BAZ2B: variants seen among roughly 807,000 people sequenced by gnomAD.
The protein encoded by BAZ2B is bromodomain adjacent to zinc finger domain protein 2B.
BAZ2B carries 91 observed loss-of-function variants against 246.0 expected under a neutral mutation model. That is an observed-to-expected ratio of 0.37 (90% CI 0.31 to 0.44). The LOEUF (loss-of-function observed/expected upper bound fraction) is 0.44, where lower values mean the gene tolerates loss of function less well. Among genes scored for constraint, BAZ2B ranks in the 20% least tolerant of loss-of-function variants. The pLI, the probability that BAZ2B is intolerant of heterozygous loss-of-function variation, is 1.00. For missense variants in BAZ2B, 2,332 were observed against 2,533.7 expected (o/e 0.92, Z 1.71); for synonymous variants, 855 against 860.0 (o/e 0.99, Z 0.10).
In BAZ2B at chr2:159,332,718, C is replaced by T. The variant is rs375203329; in HGVS notation, c.5797-32G>A. The T allele has an allele frequency of 9.6e-5, 155 of 1,608,776 alleles. No homozygotes were observed. The African/African-American group carries it at 1.4e-3, about 15-fold the overall frequency. Reference sequence around the variant, plus strand: ...TACATGAAAAATCATTTAAAATTAACGCTCTGCCATGAATAATAGTTATTG... The same window carrying T: ...TACATGAAAAATCATTTAAAATTAATGCTCTGCCATGAATAATAGTTATTG... On this transcript the variant is annotated intron_variant, in intron 33 of 36. Coordinates refer to ENST00000392783, the MANE Select transcript of BAZ2B (RefSeq NM_013450.4).
chr2:159,386,782 C>CTAAG, intron 21 of BAZ2B, among the ~76,000 whole-genome samples, 175 bp from the exon 22 acceptor site: 1 of 152,172 alleles, frequency 6.6e-6, no homozygotes, highest in Non-Finnish European at 1.5e-5. Flanking sequence ...CCCCATGGAA[C>CTAAG]TAAGCATAGT....
rs887678987 is a variant in BAZ2B at position 159,374,835 on chromosome 2, A to G, written c.4006-82T>C. 2.4e-6 allele frequency: 3 copies of G among 1,236,650 alleles called. No homozygotes were observed. In the African/African-American group the frequency reaches 4.5e-5, roughly 19 times the overall value. The allele number at this position is 1,236,650 out of a possible 1,614,324, so 76.6% of individuals were successfully genotyped here. A position where few individuals can be genotyped will look rare whatever the true frequency, so the allele number is the denominator to read the frequency against. ...AGTAAATATTTAATGAAAGTCTCCT[A>G]TAGGCACTGCGGAAAGGTATTAAGA... On this transcript the variant is annotated intron_variant, in intron 25 of 36. Coordinates refer to ENST00000392783, the MANE Select transcript of BAZ2B (RefSeq NM_013450.4).
intron 6 of BAZ2B, among the ~76,000 whole-genome samples, chr2:159,446,413 T>G (rs1024485536): frequency 2.0e-5 from 3 of 152,226 alleles, no homozygotes; most frequent in African/African-American, 7.2e-5. Flanking sequence ...TTCACTCTTT[T>G]CTAATGCACA....
At chr2:159,584,928 G>C (rs1687702894) in intron 1 of BAZ2B, among the ~76,000 whole-genome samples, 1 of 152,156 alleles carries the variant, frequency 6.6e-6, no homozygotes, top group Non-Finnish European at 1.5e-5. Context: ...TTCACTATGT[G>C]ATGTGCCTTC....
intron 25 of BAZ2B, among the ~76,000 whole-genome samples, chr2:159,375,518 T>C (rs2061327875): frequency 6.6e-6 from 1 of 152,184 alleles, no homozygotes; most frequent in South Asian, 2.1e-4. Context: ...TGTAAATGCT[T>C]GGCAATTAAC....
chr2:159,536,959 T>G (rs1445961429), intron 2 of BAZ2B, among the ~76,000 whole-genome samples: 2 of 152,156 alleles, frequency 1.3e-5, no homozygotes, highest in Non-Finnish European at 2.9e-5. Flanking sequence ...AAAATATCAC[T>G]TTAAAATGTC....
intron 13 of BAZ2B, among the ~76,000 whole-genome samples, 169 bp from the exon 14 acceptor site, chr2:159,412,714 T>C (rs2067013731): frequency 6.6e-6 from 1 of 152,260 alleles, no homozygotes. Context: ...TAATTATTCA[T>C]GGCCTTTGGC....
intron 1 of BAZ2B, among the ~76,000 whole-genome samples, chr2:159,594,305 G>A (rs1168504005): frequency 1.3e-5 from 2 of 152,172 alleles, no homozygotes; most frequent in Non-Finnish European, 2.9e-5. Context: ...TACTCCGGAG[G>A]CTAAGGCAGG....
intron 1 of BAZ2B, among the ~76,000 whole-genome samples, chr2:159,573,220 G>C (rs1432350419): frequency 6.6e-6 from 1 of 152,142 alleles, no homozygotes; most frequent in Non-Finnish European, 1.5e-5. Flanking sequence ...TCTTGAAAAG[G>C]AAGAATAAAG....
At chr2:159,370,739 A>C (rs1012081447) in intron 27 of BAZ2B, among the ~76,000 whole-genome samples, 2 of 152,056 alleles carry the variant, frequency 1.3e-5, no homozygotes, top group Non-Finnish European at 2.9e-5. Context: ...TAAAACTTTG[A>C]CTTAATTTCA....
chr2:159,351,841 C>T (rs1332876051), intron 27 of BAZ2B, among the ~76,000 whole-genome samples: 2 of 152,112 alleles, frequency 1.3e-5, no homozygotes, highest in Non-Finnish European at 2.9e-5. Flanking sequence ...AAGTAATATG[C>T]TCACAAGTTA....
chr2:159,565,297 C>T (rs1460261856), intron 1 of BAZ2B, among the ~76,000 whole-genome samples: 2 of 152,192 alleles, frequency 1.3e-5, no homozygotes, highest in African/African-American at 4.8e-5. Context: ...GTGGACAACT[C>T]TGACGGAGTA....
rs565802266 is a variant in BAZ2B, at chr2:159,463,087, T to C, written c.146-9286A>G. 1.6e-3 allele frequency: 1,122 copies of C among 705,128 alleles called. 24 individuals are homozygous for C. Among genetic ancestry groups the C allele is most frequent in the South Asian group, 0.016 (984 of 62,670 alleles). The allele number at this position is 705,128 out of a possible 1,614,324, so 43.7% of individuals were successfully genotyped here. ...CACGGGTGTGAACTGATCCATGTTATAATGGGCAAATGCACGTGCTGCCCT... is the reference window on the plus strand; with the variant it reads ...CACGGGTGTGAACTGATCCATGTTACAATGGGCAAATGCACGTGCTGCCCT... On this transcript the variant is annotated intron_variant, in intron 3 of 36. Coordinates refer to ENST00000392783, the MANE Select transcript of BAZ2B (RefSeq NM_013450.4).
chr2:159,383,412 A>G (rs1012672357), intron 24 of BAZ2B, among the ~76,000 whole-genome samples, 194 bp downstream of exon 24: 1 of 152,138 alleles, frequency 6.6e-6, no homozygotes, highest in African/African-American at 2.4e-5. Flanking sequence ...TATAAGCTCA[A>G]TGAATCTCAT....
chr2:159,494,764 T>C (rs75605294), intron 2 of BAZ2B, among the ~76,000 whole-genome samples: 283 of 152,346 alleles, frequency 1.9e-3, no homozygotes, highest in Non-Finnish European at 3.1e-3. Flanking sequence ...ATACAAACTT[T>C]AACCATTTAT....
chr2:159,427,363 G>A (rs1285558088), intron 13 of BAZ2B, among the ~76,000 whole-genome samples: 1 of 152,098 alleles, frequency 6.6e-6, no homozygotes, highest in Non-Finnish European at 1.5e-5. Context: ...AGCTCAAAGG[G>A]AGCTGTGGTG....
At chr2:159,481,095 T>G (rs1215274636) in intron 2 of BAZ2B, among the ~76,000 whole-genome samples, 1 of 152,024 alleles carries the variant, frequency 6.6e-6, no homozygotes, top group Non-Finnish European at 1.5e-5. Context: ...ATTTAACAAA[T>G]CCACTCTAGC....
At chr2:159,542,797 A>C (rs1445571666) in intron 2 of BAZ2B, among the ~76,000 whole-genome samples, 2 of 151,652 alleles carry the variant, frequency 1.3e-5, no homozygotes, top group Non-Finnish European at 3.0e-5. Context: ...TATATCCAGC[A>C]AAACTATATT....
chr2:159,324,931 G>A lies in BAZ2B; in HGVS notation c.6233C>T (p.Thr2078Ile). The stretch of plus-strand genomic sequence containing the variant: ...TAGAAAAGGCCATGCATCCTCATGA[G>A]TTTCCATTTCAGTCAGAATCATACT... ...LCSMILTEME[T>I]HEDAWPFLLP... The change falls in exon 36 of 37, where the codon ACT (threonine) becomes ATT (isoleucine). Residue 2078 changes from threonine (T) to isoleucine (I), a missense_variant. Physicochemically the swap from Thr to Ile is moderately conservative, Grantham distance 89. Transcript: ENST00000392783. 1 of 1,545,328 alleles carries A rather than the reference G, an allele frequency of 6.5e-7. No individual in the cohort carries two copies. Among genetic ancestry groups the A allele is most frequent in the South Asian group, 1.3e-5 (1 of 78,056 alleles).
Sources: gnomAD v4.1 joint callset for allele counts (sites outside exome capture counted in the v4.1 genomes callset) on GRCh38, gnomAD v4.1.1 for gene constraint, MANE v1.5 for transcripts, NCBI Gene and HGNC (gene_info 2026-07-23, HGNC 2026-07-21) for gene names.